Variants in STXBP5L observed in about 807,000 individuals in gnomAD.
STXBP5L encodes syntaxin binding protein 5L, also known as syntaxin-binding protein 5-like.
A neutral mutation model predicts 144.5 loss-of-function variants in STXBP5L; 65 were observed. The ratio of observed to expected loss-of-function variants is 0.45; its 90% confidence interval spans 0.37 to 0.55. The LOEUF is 0.55. STXBP5L is among the 20% of genes least tolerant of loss of function. The pLI is 0.00. For synonymous variants in STXBP5L, 505 were observed against 469.6 expected, an observed-to-expected ratio of 1.08 and a Z score of -0.97; for missense variants, 1,298 against 1,405.5, an observed-to-expected ratio of 0.92 and a Z score of 1.22.
chr3:120,940,094 T>TA (rs2107648936), intron 2 of STXBP5L, among the ~76,000 whole-genome samples: 1 of 152,286 alleles, frequency 6.6e-6, no homozygotes, highest in Admixed American at 6.5e-5. Context: ...CTATGACTGC[T>TA]AATTTCCATT....
intron 5 of STXBP5L, among the ~76,000 whole-genome samples, chr3:121,072,789 T>A (rs1682772263): frequency 6.6e-6 from 1 of 152,242 alleles, no homozygotes; most frequent in Admixed American, 6.5e-5. Flanking sequence ...CTACTTCTTT[T>A]GGAGCCCATA....
At chr3:121,150,903 C>A (rs563678650) in intron 7 of STXBP5L, among the ~76,000 whole-genome samples, 4 of 151,968 alleles carry the variant, frequency 2.6e-5, no homozygotes, top group African/African-American at 9.7e-5. Context: ...GCCTGGCCAA[C>A]GTGGTGAAAC....
rs577785272 is a variant in STXBP5L at position 121,002,115 on chromosome 3, T to C, written c.288-39585T>C. On this transcript the variant is annotated intron_variant, in intron 3 of 26. Coordinates refer to ENST00000471454, the MANE Select transcript of STXBP5L (RefSeq NM_001308330.2). The stretch of plus-strand genomic sequence containing the variant: ...GGATCATATAGTATTTTTAATTATT[T>C]GAGGATCCTTTTTACTGTTTTCCAA... 7.2e-5 allele frequency among the ~76,000 whole-genome samples: 11 copies of C among 152,332 alleles called. No individual in the cohort carries two copies. The South Asian group carries it at 2.3e-3, about 32-fold the overall frequency.
intron 20 of STXBP5L, among the ~76,000 whole-genome samples, chr3:121,348,872 C>A (rs890862063): frequency 6.6e-6 from 1 of 151,922 alleles, no homozygotes; most frequent in Non-Finnish European, 1.5e-5. Context: ...TTCTTACTAG[C>A]AGTCTATCAA....
Position 121,381,429 on chromosome 3 carries a change from T to G in STXBP5L, c.2484T>G (p.Cys828Trp). Residue 828 changes from cysteine to tryptophan, a missense_variant, in exon 22 of 27, where the codon TGT becomes TGG. Physicochemically the swap from Cys to Trp is radical, Grantham distance 215. Coordinates refer to ENST00000471454, the MANE Select transcript of STXBP5L (RefSeq NM_001308330.2). ...AAAATGACTCTACCATCTCTCCTTGTCTGTTCGTTGGAACCAGTCTGGGAA... is the reference window on the plus strand; with the variant it reads ...AAAATGACTCTACCATCTCTCCTTGGCTGTTCGTTGGAACCAGTCTGGGAA... ...ARKNDSTISP[C>W]LFVGTSLGMV... 6.2e-7 allele frequency: 1 copy of G among 1,608,206 alleles called. No homozygotes were observed. Among genetic ancestry groups the G allele is most frequent in the East Asian group, 2.2e-5 (1 of 44,808 alleles).
chr3:121,028,734 G>T (rs887340831), intron 3 of STXBP5L, among the ~76,000 whole-genome samples: 1 of 152,016 alleles, frequency 6.6e-6, no homozygotes, highest in South Asian at 2.1e-4. Flanking sequence ...AATTTAAATA[G>T]TAATCAGTGC....
intron 20 of STXBP5L, among the ~76,000 whole-genome samples, chr3:121,360,630 G>C (rs1035152032): frequency 2.0e-5 from 3 of 151,904 alleles, no homozygotes; most frequent in African/African-American, 7.3e-5. Context: ...TATTTAACCT[G>C]ATAACAACAC....
intron 5 of STXBP5L, among the ~76,000 whole-genome samples, chr3:121,046,151 T>G (rs182715640): frequency 4.1e-4 from 62 of 152,336 alleles, no homozygotes; most frequent in African/African-American, 1.3e-3. Flanking sequence ...GTTCTGTTTA[T>G]GTAGTAGATC....
chr3:121,313,744 C>A (rs1336398866), intron 19 of STXBP5L, among the ~76,000 whole-genome samples: 4 of 131,118 alleles, frequency 3.1e-5, no homozygotes, highest in Non-Finnish European at 6.6e-5. Flanking sequence ...CTGACCCCCC[C>A]CACCTCCCTC....
intron 3 of STXBP5L, among the ~76,000 whole-genome samples, chr3:120,977,156 C>A (rs975353145): frequency 6.6e-6 from 1 of 152,154 alleles, no homozygotes; most frequent in Non-Finnish European, 1.5e-5. Context: ...GTTAAAGTCT[C>A]CCATTAATAT....
At chr3:121,243,340 G>A (rs2049731182) in intron 14 of STXBP5L, among the ~76,000 whole-genome samples, 2 of 152,102 alleles carry the variant, frequency 1.3e-5, no homozygotes, top group African/African-American at 4.8e-5. Context: ...AACTTCACTA[G>A]TTAGGAATTA....
chr3:121,381,623 C>A, intron 22 of STXBP5L, 91 bp downstream of exon 22: 1 of 1,507,374 alleles, frequency 6.6e-7, no homozygotes, highest in African/African-American at 1.4e-5. Flanking sequence ...TGATTTGGAG[C>A]AAAGGTTATA....
intron 21 of STXBP5L, 61 bp downstream of exon 21, chr3:121,378,947 G>C: frequency 6.6e-7 from 1 of 1,513,568 alleles, no homozygotes; most frequent in Non-Finnish European, 9.0e-7. Context: ...ATGGTAATGG[G>C]AACAGAGATA....
chr3:121,166,985 G>T (rs555458143), intron 9 of STXBP5L, among the ~76,000 whole-genome samples: 14 of 4,026 alleles, frequency 3.5e-3, no homozygotes, highest in Non-Finnish European at 4.8e-3. Flanking sequence ...AAATAAAACT[G>T]TTCAGAAAAA....
intron 5 of STXBP5L, among the ~76,000 whole-genome samples, chr3:121,087,259 A>G (rs895805169): frequency 6.6e-6 from 1 of 152,020 alleles, no homozygotes; most frequent in African/African-American, 2.4e-5. Flanking sequence ...AGTTGTTCTA[A>G]TAATTGCTGA....
intron 3 of STXBP5L, among the ~76,000 whole-genome samples, chr3:120,990,241 A>T (rs1277443525): frequency 6.6e-6 from 1 of 152,200 alleles, no homozygotes; most frequent in Non-Finnish European, 1.5e-5. Flanking sequence ...CTAGGAATCC[A>T]ACTTACAAGG....
chr3:121,154,236 C>A (rs1328469050), intron 8 of STXBP5L, among the ~76,000 whole-genome samples: 1 of 151,732 alleles, frequency 6.6e-6, no homozygotes, highest in African/African-American at 2.4e-5. Context: ...TTTAATGTGT[C>A]ATTATATGCT....
Position 121,121,719 on chromosome 3 carries a change from A to G in STXBP5L, c.669+15A>G, listed in dbSNP as rs768265443. 1.9e-6 allele frequency: 3 copies of G among 1,563,428 alleles called. No individual in the cohort carries two copies. Among genetic ancestry groups the G allele is most frequent in the South Asian group, 2.3e-5 (2 of 87,768 alleles). On this transcript the variant is annotated intron_variant, in intron 7 of 26. Coordinates refer to ENST00000471454, the MANE Select transcript of STXBP5L (RefSeq NM_001308330.2). The stretch of plus-strand genomic sequence containing the variant: ...ATGAAGGCAAAGTGAGTATTATGAT[A>G]TCTTTATTATTAGTTTTATTTTCCT...
At position 121,371,431 on chromosome 3, in the gene STXBP5L, G is replaced by A. The variant is rs1421716451; in HGVS notation, c.2177-7285G>A. Among the ~76,000 whole-genome samples, 4 of 152,218 alleles carry A rather than the reference G, an allele frequency of 2.6e-5. 1 individual carries two copies. The highest frequency in any genetic ancestry group is 4.8e-5 in the African/African-American group (2 of 41,464). On this transcript the variant is annotated intron_variant, in intron 20 of 26. Transcript: ENST00000471454. ...GCCACTGGTCACAGCATTCCAATGG[G>A]TAATGCCAACCATGGAGACAAAGCA...
Sources: allele counts gnomAD v4.1 joint callset (sites outside exome capture counted in the v4.1 genomes callset), GRCh38; gene constraint gnomAD v4.1.1; transcripts MANE v1.5; gene names NCBI Gene and HGNC (gene_info 2026-07-23, HGNC 2026-07-21).